Variants in DLGAP3 observed in about 807,000 individuals in gnomAD.
DLGAP3 encodes the protein disks large-associated protein 3.
In DLGAP3, 17 loss-of-function variants were observed where a neutral mutation model predicts 81.2. That is an observed-to-expected ratio of 0.21 (90% CI 0.14 to 0.31). DLGAP3 has a LOEUF of 0.31. DLGAP3 is among the 10% of genes least tolerant of loss of function. The probability of loss-of-function intolerance (pLI) is 1.00; values close to 1 mark genes in which losing one functional copy is unlikely to be tolerated. For missense variants in DLGAP3, 1,124 were observed against 1,388.0 expected (o/e 0.81, Z 3.02); for synonymous variants, 577 against 587.4 (o/e 0.98, Z 0.26).
At position 34,904,272 on chromosome 1, in the gene DLGAP3, C is replaced by T; in HGVS notation, c.1107+5G>A. 1.2e-6 allele frequency: 2 copies of T among 1,602,456 alleles called. No homozygotes were observed. Among genetic ancestry groups the T allele is most frequent in the Non-Finnish European group, 8.5e-7 (1 of 1,179,978 alleles). Reference sequence around the variant, plus strand: ...CTCTGTTCCCCAACCCCAAAAAAGCCTCACCTGCAGATAGTGATAAGTCCT... The same window carrying T: ...CTCTGTTCCCCAACCCCAAAAAAGCTTCACCTGCAGATAGTGATAAGTCCT... On this transcript the variant is annotated splice_donor_5th_base_variant and intron_variant, in intron 3 of 11. Transcript: ENST00000373347. The surrounding 1 kb of genome is among the most constrained non-coding windows in gnomAD (Gnocchi z 8.1).
intron 5 of DLGAP3, among the ~76,000 whole-genome samples, chr1:34,894,048 C>A (rs554694749): frequency 6.6e-6 from 1 of 152,144 alleles, no homozygotes; most frequent in South Asian, 2.1e-4. Flanking sequence ...ATTAGCCAGG[C>A]ATGGTGGTAT....
intron 11 of DLGAP3, among the ~76,000 whole-genome samples, 166 bp downstream of exon 11, chr1:34,866,882 A>C (rs1465014718): frequency 6.6e-6 from 1 of 152,280 alleles, no homozygotes; most frequent in Middle Eastern, 3.4e-3. Context: ...AGTGGCCACG[A>C]GCGTGGTCAC....
intron 3 of DLGAP3, among the ~76,000 whole-genome samples, chr1:34,903,128 G>C (rs1639487766): frequency 6.6e-6 from 1 of 152,174 alleles, no homozygotes; most frequent in African/African-American, 2.4e-5. Flanking sequence ...CCATACCTTT[G>C]AACATGCTGT....
Position 34,905,414 on chromosome 1 carries a change from G to C in DLGAP3, c.-31C>G, listed in dbSNP as rs1639535100. On this transcript the variant is annotated 5_prime_UTR_variant, in exon 3 of 12. Coordinates refer to ENST00000373347, the MANE Select transcript of DLGAP3 (RefSeq NM_001080418.3). ...CAGCAAAGGCTCTTCATAGTCTTGG[G>C]GGCCAGGCCCCAGGAACCTCCTGGA... is the stretch of plus-strand genomic sequence containing the variant. 1.3e-6 allele frequency: 2 copies of C among 1,531,262 alleles called. No homozygotes were observed. Among genetic ancestry groups the C allele is most frequent in the Admixed American group, 2.1e-5 (1 of 47,586 alleles). The allele number at this position is 1,531,262 out of a possible 1,614,324, so 94.9% of individuals were successfully genotyped here.
intron 5 of DLGAP3, among the ~76,000 whole-genome samples, chr1:34,891,183 A>G (rs1639307164): frequency 6.6e-6 from 1 of 152,246 alleles, no homozygotes; most frequent in Admixed American, 6.5e-5. Context: ...GACTTTGGGT[A>G]AGAATAGCAC....
intron 8 of DLGAP3, among the ~76,000 whole-genome samples, chr1:34,884,271 A>G (rs560911968): frequency 2.0e-5 from 3 of 152,088 alleles, no homozygotes; most frequent in South Asian, 4.1e-4. Context: ...CTCAGATACC[A>G]TGAAACCGTT....
intron 8 of DLGAP3, among the ~76,000 whole-genome samples, chr1:34,872,368 G>C (rs1296193023): frequency 6.6e-6 from 1 of 152,208 alleles, no homozygotes; most frequent in African/African-American, 2.4e-5. Flanking sequence ...AGGAGGTGGA[G>C]AAAACTAGTC....
At position 34,900,040 on chromosome 1, in the gene DLGAP3, C is replaced by T. The variant is rs374351110; in HGVS notation, c.1313+28G>A. ...GAGTCCAGCATCAGCCTCCTGACCC[C>T]GCACCCCCCGGCCCTCCCTGTCCTT... On this transcript the variant is annotated intron_variant, in intron 4 of 11. Transcript: ENST00000373347. The surrounding 1 kb of genome is among the most constrained non-coding windows in gnomAD (Gnocchi z 5.6). The T allele has an allele frequency of 5.2e-5, 83 of 1,598,908 alleles. 1 individual carries two copies. In the Middle Eastern group the frequency reaches 1.9e-3, roughly 37 times the overall value.
chr1:34,922,796 A>C (rs1013862512), intron 1 of DLGAP3, among the ~76,000 whole-genome samples: 1 of 151,840 alleles, frequency 6.6e-6, no homozygotes, highest in Non-Finnish European at 1.5e-5. Context: ...CCTGGCTTCT[A>C]TCCTTCATAT....
intron 1 of DLGAP3, among the ~76,000 whole-genome samples, chr1:34,927,143 C>A (rs1557511347): frequency 6.6e-6 from 1 of 152,180 alleles, no homozygotes; most frequent in South Asian, 2.1e-4. Flanking sequence ...CTATCCCCAG[C>A]GACATCTGTA....
chr1:34,926,316 G>T (rs994689466), intron 1 of DLGAP3, among the ~76,000 whole-genome samples: 1 of 152,158 alleles, frequency 6.6e-6, no homozygotes, highest in Non-Finnish European at 1.5e-5. Flanking sequence ...GAGCCCAGGG[G>T]CCTGACAAGT....
chr1:34,870,782 T>C (rs1638967812), intron 8 of DLGAP3, among the ~76,000 whole-genome samples: 2 of 152,198 alleles, frequency 1.3e-5, no homozygotes, highest in Non-Finnish European at 2.9e-5. Context: ...TAGACTGGCC[T>C]CCTTTCAGAT....
In DLGAP3 at chr1:34,916,474, C is replaced by G. The variant is rs79651680; in HGVS notation, c.-134-9037G>C. On this transcript the variant is annotated intron_variant, in intron 1 of 11. Transcript: ENST00000373347. ...GATGTTTTTCTTCATATAATCCTCA[C>G]AACTATCCTTTGCAGTAGGCACTAT... Among the ~76,000 whole-genome samples, 171 of 152,274 alleles carry G rather than the reference C, an allele frequency of 1.1e-3. 1 individual carries two copies. In the East Asian group the frequency reaches 0.03, roughly 27 times the overall value.
chr1:34,876,079 C>T (rs1483473059), intron 8 of DLGAP3, among the ~76,000 whole-genome samples: 4 of 152,228 alleles, frequency 2.6e-5, no homozygotes, highest in Admixed American at 6.5e-5. Flanking sequence ...CTCACCTTTG[C>T]ATCCTCAGTG....
chr1:34,888,893 A>G lies in DLGAP3; in HGVS notation c.1387-2608T>C, dbSNP rs115213678. ...TGGGCTAGGCTCAAGACACTCCCCA[A>G]TTAGAACAAATGCAGCCCAGAGTGT... is the stretch of plus-strand genomic sequence containing the variant. On this transcript the variant is annotated intron_variant, in intron 5 of 11. Coordinates refer to ENST00000373347, the MANE Select transcript of DLGAP3 (RefSeq NM_001080418.3). Among the ~76,000 whole-genome samples, 273 of 152,324 alleles carry G rather than the reference A, an allele frequency of 1.8e-3. 1 individual carries two copies. Among genetic ancestry groups the G allele is most frequent in the African/African-American group, 6.3e-3 (260 of 41,574 alleles).
chr1:34,888,500 C>T (rs1461264678), intron 5 of DLGAP3, among the ~76,000 whole-genome samples: 1 of 152,214 alleles, frequency 6.6e-6, no homozygotes, highest in Non-Finnish European at 1.5e-5. Context: ...AACAAAACAC[C>T]TCTCTTGCTT....
chr1:34,904,670 G>A lies in DLGAP3; in HGVS notation c.714C>T (p.His238=), dbSNP rs200715209. The A allele has an allele frequency of 3.6e-5, 58 of 1,613,992 alleles. No homozygotes were observed. The highest frequency in any genetic ancestry group is 6.7e-5 in the African/African-American group (5 of 74,918). The change falls in exon 3 of 12, where the codon CAC becomes CAT. Residue 238 remains histidine, a synonymous_variant. Transcript: ENST00000373347. This position sits in a 1 kb window ranked among gnomAD's most constrained non-coding sequence, Gnocchi z 8.1. ...GGTCCTTGCTCTTGCTCCTCTTGCC[G>A]TGCCGGGACTGGTGGTGGTGGTGAT... ...HHHHHHHQSR[H]GKRSKSKDRK...
At chr1:34,892,442 A>G (rs927533725) in intron 5 of DLGAP3, among the ~76,000 whole-genome samples, 1 of 152,222 alleles carries the variant, frequency 6.6e-6, no homozygotes, top group African/African-American at 2.4e-5. Flanking sequence ...GAGATAGGGC[A>G]GAAAAAAATA....
chr1:34,870,347 C>T (rs1026727606), intron 8 of DLGAP3, among the ~76,000 whole-genome samples: 32 of 152,102 alleles, frequency 2.1e-4, no homozygotes, highest in Admixed American at 1.2e-3. Flanking sequence ...TTTGGAAATT[C>T]AAGGACCACA....
Sources: allele counts gnomAD v4.1 joint callset (sites outside exome capture counted in the v4.1 genomes callset), GRCh38; gene constraint gnomAD v4.1.1; non-coding constraint Gnocchi (gnomAD v3.1); transcripts MANE v1.5; gene names NCBI Gene and HGNC (gene_info 2026-07-23, HGNC 2026-07-21).